The following SDHC variants were observed in gnomAD, a reference collection of about 807,000 sequenced individuals.
SDHC encodes the protein succinate dehydrogenase cytochrome b560 subunit, mitochondrial.
A neutral mutation model predicts 22.6 loss-of-function variants in SDHC; 11 were observed. The ratio of observed to expected loss-of-function variants is 0.49; its 90% confidence interval spans 0.31 to 0.81. The LOEUF is 0.81. SDHC is among the 30% of genes least tolerant of loss of function. The pLI is 0.05. For missense variants in SDHC, 160 were observed against 212.0 expected (o/e 0.75, Z 1.52); for synonymous variants, 80 against 77.8 (o/e 1.03, Z -0.15).
rs182629842 is a variant in SDHC at position 161,362,511 on chromosome 1, G to A, written c.*78G>A. 2.1e-3 allele frequency: 3,389 copies of A among 1,610,112 alleles called. 4 individuals carry two copies. The highest frequency in any genetic ancestry group is 2.5e-3 in the Non-Finnish European group (2,889 of 1,178,640). ...TTTCTGTTTGTCATTCTTATCTCCAGCCTGGGAAAAGTTCTCCTTATTTGT... is the reference window on the plus strand; with the variant it reads ...TTTCTGTTTGTCATTCTTATCTCCAACCTGGGAAAAGTTCTCCTTATTTGT... On this transcript the variant is annotated 3_prime_UTR_variant, in exon 6 of 6. Coordinates refer to ENST00000367975, the MANE Select transcript of SDHC (RefSeq NM_003001.5).
At chr1:161,357,803 T>C (rs1672340729) in intron 5 of SDHC, among the ~76,000 whole-genome samples, 1 of 152,234 alleles carries the variant, frequency 6.6e-6, no homozygotes, top group Admixed American at 6.5e-5. Flanking sequence ...TGTCAGGTAC[T>C]GTTGTAGACA....
chr1:161,362,183 G>A lies in SDHC; in HGVS notation c.406-146G>A. 3.2e-6 allele frequency: 3 copies of A among 930,782 alleles called. 1 individual carries two copies. The highest frequency in any genetic ancestry group is 6.5e-4 in the Middle Eastern group (2 of 3,074). 57.7% of individuals were successfully genotyped at this position (930,782 alleles called of 1,614,324 possible). A position where few individuals can be genotyped will look rare whatever the true frequency, so the allele number is the denominator to read the frequency against. Reference sequence around the variant, plus strand: ...ACTGTGGGTTTTGAGAAGGGTAAAGGTGGGGCATAAGGGTAGAAGCGCTTT... The same window carrying A: ...ACTGTGGGTTTTGAGAAGGGTAAAGATGGGGCATAAGGGTAGAAGCGCTTT... On this transcript the variant is annotated intron_variant, in intron 5 of 5. Transcript: ENST00000367975.
At chr1:161,343,244 G>A (rs1558176112) in intron 4 of SDHC, among the ~76,000 whole-genome samples, 2 of 152,154 alleles carry the variant, frequency 1.3e-5, no homozygotes, top group Admixed American at 6.5e-5. Context: ...TTTAACTGAC[G>A]TGGTCATCAG....
intron 5 of SDHC, among the ~76,000 whole-genome samples, chr1:161,357,556 C>T (rs60435895): frequency 0.12 from 17,746 of 151,938 alleles, 1,402 homozygotes; most frequent in African/African-American, 0.22. Flanking sequence ...CCTCCCACCA[C>T]GCCCGGCTAA....
intron 1 of SDHC, among the ~76,000 whole-genome samples, chr1:161,321,445 C>T (rs1670833220): frequency 6.6e-6 from 1 of 152,224 alleles, no homozygotes; most frequent in Non-Finnish European, 1.5e-5. Flanking sequence ...TAGCGCTAGA[C>T]AGAGAGGGCA....
At chr1:161,330,858 G>C (rs991158626) in intron 3 of SDHC, among the ~76,000 whole-genome samples, 1 of 151,990 alleles carries the variant, frequency 6.6e-6, no homozygotes, top group Non-Finnish European at 1.5e-5. Context: ...AAATTAGCCA[G>C]GTGTGGTGGT....
intron 3 of SDHC, among the ~76,000 whole-genome samples, chr1:161,333,961 C>T (rs1003382568): frequency 6.6e-6 from 1 of 152,210 alleles, no homozygotes; most frequent in Non-Finnish European, 1.5e-5. Flanking sequence ...CACTCCTCTT[C>T]TAGTTACCAC....
rs967643027 is a variant in SDHC at position 161,363,197 on chromosome 1, C to T, written c.*764C>T. 1 of 233,428 alleles carries T rather than the reference C, an allele frequency of 4.3e-6. No homozygotes were observed. The highest frequency in any genetic ancestry group is 2.2e-5 in the African/African-American group (1 of 45,302). 14.5% of individuals were successfully genotyped at this position (233,428 alleles called of 1,614,324 possible). On this transcript the variant is annotated 3_prime_UTR_variant, in exon 6 of 6. Transcript: ENST00000367975. ...TTAAATACTCATTTTATCTTTGACT[C>T]TCCTTGAAATCTAGAGAAACCAAGA...
chr1:161,326,549 C>G (rs1213998122), intron 2 of SDHC: 1 of 73,330 alleles, frequency 1.4e-5, no homozygotes, highest in African/African-American at 7.3e-5. Flanking sequence ...CTTTCTCTCT[C>G]TTTTTTTTTT....
intron 2 of SDHC, among the ~76,000 whole-genome samples, chr1:161,325,912 A>C (rs909487881): frequency 2.6e-5 from 4 of 152,138 alleles, no homozygotes; most frequent in African/African-American, 9.7e-5. Flanking sequence ...TAGAAAGCAG[A>C]GTTATCGGCC....
chr1:161,357,702 C>G (rs915766804), intron 5 of SDHC, among the ~76,000 whole-genome samples: 1 of 152,074 alleles, frequency 6.6e-6, no homozygotes, highest in African/African-American at 2.4e-5. Flanking sequence ...CCCTGCTGAA[C>G]TCTTCATTTT....
At chr1:161,336,836 G>A (rs1213938353) in intron 3 of SDHC, among the ~76,000 whole-genome samples, 2 of 151,992 alleles carry the variant, frequency 1.3e-5, no homozygotes, top group African/African-American at 4.8e-5. Flanking sequence ...TGGGCTGTTG[G>A]AGAAATGTTT....
intron 3 of SDHC, among the ~76,000 whole-genome samples, chr1:161,331,657 G>C (rs1000807470): frequency 6.7e-6 from 1 of 149,956 alleles, no homozygotes; most frequent in Admixed American, 6.7e-5. Flanking sequence ...ATGCAGTGGC[G>C]CAGTCCCGGC....
At chr1:161,355,398 G>A (rs997753926) in intron 4 of SDHC, among the ~76,000 whole-genome samples, 28 of 152,260 alleles carry the variant, frequency 1.8e-4, no homozygotes, top group Non-Finnish European at 7.4e-5. Flanking sequence ...ATTCCTTTGA[G>A]TTGTCTTTTC....
chr1:161,347,243 G>A (rs1671932448), intron 4 of SDHC, among the ~76,000 whole-genome samples: 3 of 152,004 alleles, frequency 2.0e-5, no homozygotes, highest in Admixed American at 1.3e-4. Flanking sequence ...TGATTATGAC[G>A]AGGTCTGTTT....
chr1:161,343,458 AT>A (rs1444660419), intron 4 of SDHC, among the ~76,000 whole-genome samples: 11 of 152,106 alleles, frequency 7.2e-5, no homozygotes, highest in Admixed American at 7.2e-4. Flanking sequence ...TGATGCCGTC[AT>A]TTTTGTTCTT....
chr1:161,323,223 C>T (rs1410461845), intron 1 of SDHC, among the ~76,000 whole-genome samples: 2 of 151,996 alleles, frequency 1.3e-5, no homozygotes, highest in African/African-American at 2.4e-5. Context: ...TGGTCTCGAT[C>T]TCCTGACCTT....
At chr1:161,321,704 G>C (rs1571840570) in intron 1 of SDHC, among the ~76,000 whole-genome samples, 1 of 152,250 alleles carries the variant, frequency 6.6e-6, no homozygotes, top group South Asian at 2.1e-4. Flanking sequence ...TTTAAATAGT[G>C]GGCCCTTCTA....
intron 3 of SDHC, among the ~76,000 whole-genome samples, chr1:161,339,050 G>A (rs1366099818): frequency 3.3e-5 from 5 of 151,964 alleles, no homozygotes; most frequent in African/African-American, 7.2e-5. Context: ...GGGTTTCACC[G>A]TGTTGGCCAG....
Sources: allele counts gnomAD v4.1 joint callset (sites outside exome capture counted in the v4.1 genomes callset), GRCh38; gene constraint gnomAD v4.1.1; transcripts MANE v1.5; gene names NCBI Gene and HGNC (gene_info 2026-07-23, HGNC 2026-07-21).